Variants in SDK1 observed in about 807,000 individuals in gnomAD.
SDK1 encodes the protein protein sidekick-1.
In SDK1, 157 loss-of-function variants were observed where a neutral mutation model predicts 245.5. The ratio of observed to expected loss-of-function variants is 0.64; its 90% CI spans 0.56 to 0.73. The LOEUF is 0.73. SDK1 is among the 30% of genes least tolerant of loss of function. SDK1 has a pLI of 0.00. For synonymous variants in SDK1, 1,647 were observed against 1,278.5 expected (o/e 1.29, Z -6.15); for missense variants, 3,583 against 3,002.3 (o/e 1.19, Z -4.52).
chr7:4,169,417 G>A (rs1156671166), intron 32 of SDK1, among the ~76,000 whole-genome samples: 1 of 152,160 alleles, frequency 6.6e-6, no homozygotes, highest in Non-Finnish European at 1.5e-5. Context: ...GTCTAGTGGG[G>A]CTACACCAGG....
intron 5 of SDK1, among the ~76,000 whole-genome samples, chr7:3,910,598 T>A (rs1374180943): frequency 2.6e-5 from 4 of 152,166 alleles, no homozygotes; most frequent in Non-Finnish European, 4.4e-5. Context: ...AAGAAGGTCT[T>A]CCTGAGACCC....
intron 19 of SDK1, among the ~76,000 whole-genome samples, chr7:4,052,133 A>C (rs1048939523): frequency 2.6e-5 from 4 of 151,090 alleles, no homozygotes; most frequent in African/African-American, 9.8e-5. Flanking sequence ...CTTCATGTAG[A>C]GTTCAATTTC....
intron 4 of SDK1, among the ~76,000 whole-genome samples, chr7:3,774,871 T>C (rs1780506864): frequency 6.6e-6 from 1 of 152,242 alleles, no homozygotes; most frequent in African/African-American, 2.4e-5. Flanking sequence ...CTGTGACTAC[T>C]TCTAATTGGG....
At chr7:3,322,418 C>G (rs1779840251) in intron 1 of SDK1, among the ~76,000 whole-genome samples, 1 of 152,156 alleles carries the variant, frequency 6.6e-6, no homozygotes, top group Non-Finnish European at 1.5e-5. Flanking sequence ...CACCTTTTGG[C>G]TATTGTGAAT....
intron 4 of SDK1, among the ~76,000 whole-genome samples, chr7:3,685,214 T>A (rs115011649): frequency 0.81 from 121,267 of 148,934 alleles, 49,472 homozygotes; most frequent in Non-Finnish European, 0.85. Context: ...AACATTAAGT[T>A]AAAAAAAAAA....
rs188090165 is a variant in SDK1, at chr7:3,482,810, G to C, written c.299-136270G>C. Among the ~76,000 whole-genome samples, 630 of 152,274 alleles carry C rather than the reference G, an allele frequency of 4.1e-3. 8 individuals are homozygous for C. The highest frequency in any genetic ancestry group is 0.014 in the African/African-American group (591 of 41,544). On this transcript the variant is annotated intron_variant, in intron 1 of 44. Transcript: ENST00000404826. ...CAACAAAACAGGAAAACAGGTAAAGGATTCTCAGGCAACTCACAGGACATA... is the reference window on the plus strand; with the variant it reads ...CAACAAAACAGGAAAACAGGTAAAGCATTCTCAGGCAACTCACAGGACATA...
At chr7:3,876,336 A>C (rs1403343812) in intron 5 of SDK1, among the ~76,000 whole-genome samples, 1 of 152,218 alleles carries the variant, frequency 6.6e-6, no homozygotes, top group African/African-American at 2.4e-5. Context: ...TTTGCAAAAC[A>C]AGTTTTTGAC....
chr7:3,750,249 A>C (rs1478590165), intron 4 of SDK1, among the ~76,000 whole-genome samples: 4 of 152,242 alleles, frequency 2.6e-5, no homozygotes, highest in Non-Finnish European at 5.9e-5. Context: ...AAAAGTGACT[A>C]TTTGGAGAAC....
intron 5 of SDK1, among the ~76,000 whole-genome samples, chr7:3,840,718 G>A (rs989925306): frequency 1.3e-5 from 2 of 152,228 alleles, no homozygotes; most frequent in African/African-American, 4.8e-5. Flanking sequence ...CAGAGTTCTC[G>A]AGTTGTGCTA....
At chr7:3,819,473 A>T (rs1254063769) in intron 4 of SDK1, among the ~76,000 whole-genome samples, 2 of 149,676 alleles carry the variant, frequency 1.3e-5, no homozygotes, top group African/African-American at 2.4e-5. Flanking sequence ...TAAAAATCAG[A>T]TGTCAAAGAA....
At chr7:3,569,591 G>C (rs1780043915) in intron 1 of SDK1, among the ~76,000 whole-genome samples, 3 of 152,298 alleles carry the variant, frequency 2.0e-5, no homozygotes, top group Non-Finnish European at 4.4e-5. Context: ...ATTGGTGTCT[G>C]CTTTGCATTC....
chr7:3,496,873 G>A (rs1008097515), intron 1 of SDK1, among the ~76,000 whole-genome samples: 1 of 152,136 alleles, frequency 6.6e-6, no homozygotes. Flanking sequence ...CCACAGTTAG[G>A]TTAGTAGTGC....
chr7:3,882,891 A>G (rs932318981), intron 5 of SDK1, among the ~76,000 whole-genome samples: 3 of 152,248 alleles, frequency 2.0e-5, no homozygotes, highest in African/African-American at 7.2e-5. Context: ...CAATTTAGTC[A>G]TGCATACCTA....
intron 5 of SDK1, among the ~76,000 whole-genome samples, chr7:3,907,587 G>C (rs1324294728): frequency 6.6e-6 from 1 of 152,186 alleles, no homozygotes; most frequent in Non-Finnish European, 1.5e-5. Context: ...TCGTGTACAA[G>C]TATCTGTTCG....
chr7:4,193,309 A>G (rs1783337060), intron 35 of SDK1, among the ~76,000 whole-genome samples: 1 of 136,394 alleles, frequency 7.3e-6, no homozygotes, highest in Admixed American at 7.7e-5. Context: ...TAAAAATATT[A>G]ATATATTTAT....
chr7:4,051,285 T>C (rs1046653951), intron 18 of SDK1, among the ~76,000 whole-genome samples: 1 of 146,058 alleles, frequency 6.8e-6, no homozygotes, highest in African/African-American at 2.5e-5. Context: ...ACTTTTTATG[T>C]ATATATGTTA....
chr7:4,245,481 C>A (rs1168576155), intron 43 of SDK1, among the ~76,000 whole-genome samples, 195 bp from the exon 44 acceptor site: 1 of 152,164 alleles, frequency 6.6e-6, no homozygotes, highest in Non-Finnish European at 1.5e-5. Context: ...AACTGACAGG[C>A]ACAGGTACAC....
intron 18 of SDK1, among the ~76,000 whole-genome samples, chr7:4,050,736 A>G (rs1244965773): frequency 6.6e-6 from 1 of 151,770 alleles, no homozygotes. Context: ...TGAATCATGG[A>G]TGTCTTTTTT....
intron 32 of SDK1, among the ~76,000 whole-genome samples, chr7:4,169,837 C>T (rs1428138910): frequency 6.6e-6 from 1 of 152,172 alleles, no homozygotes. Context: ...ACAGAGCTCT[C>T]CTGCCTCCCT....
Sources: gnomAD v4.1 joint callset for allele counts (sites outside exome capture counted in the v4.1 genomes callset) on GRCh38, gnomAD v4.1.1 for gene constraint, MANE v1.5 for transcripts, NCBI Gene and HGNC (gene_info 2026-07-23, HGNC 2026-07-21) for gene names.